Variants in UQCRH observed in about 807,000 individuals in gnomAD.
The protein encoded by UQCRH is ubiquinol-cytochrome c reductase hinge protein.
A neutral mutation model predicts 16.3 loss-of-function variants in UQCRH; 14 were observed. The observed-to-expected ratio is 0.86, with a 90% CI of 0.57 to 1.34. The LOEUF (loss-of-function observed/expected upper bound fraction) is 1.34, where lower values mean the gene tolerates loss of function less well. Among genes scored for constraint, UQCRH ranks in the 40% most tolerant of loss-of-function variants. The probability of loss-of-function intolerance (pLI) is 0.00; values close to 1 mark genes in which losing one functional copy is unlikely to be tolerated. For missense variants in UQCRH, 89 were observed against 111.9 expected, an observed-to-expected ratio of 0.80 and a Z score of 0.92; for synonymous variants, 41 against 41.9, an observed-to-expected ratio of 0.98 and a Z score of 0.08.
intron 3 of UQCRH, among the ~76,000 whole-genome samples, chr1:46,313,333 A>T (rs980225712): frequency 2.6e-5 from 4 of 151,814 alleles, no homozygotes; most frequent in African/African-American, 9.7e-5. Context: ...CTTTACAAAA[A>T]ATATATATAT....
At chr1:46,308,556 G>C (rs1160535009) in intron 1 of UQCRH, among the ~76,000 whole-genome samples, 4 of 152,190 alleles carry the variant, frequency 2.6e-5, no homozygotes, top group Non-Finnish European at 5.9e-5. Flanking sequence ...AGGAGGCAGG[G>C]CCAGGCTGAG....
At chr1:46,308,246 C>T (rs1431633897) in intron 1 of UQCRH, among the ~76,000 whole-genome samples, 2 of 152,132 alleles carry the variant, frequency 1.3e-5, no homozygotes, top group African/African-American at 4.8e-5. Flanking sequence ...TTTATTATTA[C>T]TTAAATTTCC....
At chr1:46,311,569 T>A (rs1310213858) in intron 3 of UQCRH, among the ~76,000 whole-genome samples, 1 of 151,220 alleles carries the variant, frequency 6.6e-6, no homozygotes, top group Non-Finnish European at 1.5e-5. Flanking sequence ...CTCAAATGTG[T>A]CTAATATATA....
chr1:46,303,878 C>T, intron 1 of UQCRH, 58 bp downstream of exon 1: 1 of 1,610,836 alleles, frequency 6.2e-7, no homozygotes, highest in Non-Finnish European at 8.5e-7. Flanking sequence ...GGACCTAGCC[C>T]GCCAAAACAC....
chr1:46,307,080 C>T (rs1661391919), intron 1 of UQCRH, among the ~76,000 whole-genome samples: 1 of 152,104 alleles, frequency 6.6e-6, no homozygotes, highest in Admixed American at 6.6e-5. Flanking sequence ...CGGAGTCTCT[C>T]TGTCGCCCAG....
chr1:46,305,365 C>T (rs1293344682), intron 1 of UQCRH, among the ~76,000 whole-genome samples: 1 of 149,528 alleles, frequency 6.7e-6, no homozygotes, highest in East Asian at 2.0e-4. Context: ...TCAGCAAGAT[C>T]CACCGCTGCA....
intron 2 of UQCRH, chr1:46,309,854 A>G: frequency 1.5e-6 from 2 of 1,330,272 alleles, no homozygotes; most frequent in Non-Finnish European, 1.9e-6. Flanking sequence ...CTATAGATCT[A>G]CTTCAAGTTT....
At chr1:46,310,428 T>G in intron 3 of UQCRH, 112 bp downstream of exon 3, 2 of 1,471,570 alleles carry the variant, frequency 1.4e-6, no homozygotes, top group Non-Finnish European at 1.9e-6. Context: ...GGGCCCAATA[T>G]ATGTGACATA....
At chr1:46,308,203 C>A (rs927225973) in intron 1 of UQCRH, among the ~76,000 whole-genome samples, 4 of 152,156 alleles carry the variant, frequency 2.6e-5, no homozygotes, top group Non-Finnish European at 5.9e-5. Context: ...GGTAAGGTGA[C>A]AGACCTGGAG....
chr1:46,309,564 A>G, intron 2 of UQCRH: 1 of 179,116 alleles, frequency 5.6e-6, no homozygotes, highest in Non-Finnish European at 1.2e-5. Context: ...CAGCTACTCG[A>G]GAGGCTGAGG....
intron 1 of UQCRH, among the ~76,000 whole-genome samples, chr1:46,307,535 T>A (rs1000833304): frequency 6.6e-6 from 1 of 152,210 alleles, no homozygotes; most frequent in African/African-American, 2.4e-5. Context: ...GCAAACACCT[T>A]ATTTCTGAGG....
At chr1:46,313,245 A>G (rs1214214882) in intron 3 of UQCRH, among the ~76,000 whole-genome samples, 1 of 152,144 alleles carries the variant, frequency 6.6e-6, no homozygotes, top group Non-Finnish European at 1.5e-5. Context: ...TAATCGCAGA[A>G]CTTTGCGAGG....
chr1:46,307,406 C>T (rs1273031653), intron 1 of UQCRH, among the ~76,000 whole-genome samples: 1 of 152,054 alleles, frequency 6.6e-6, no homozygotes, highest in Admixed American at 6.6e-5. Flanking sequence ...TCAAGCAGTC[C>T]TCTCACCTGG....
chr1:46,313,685 A>ATAGG (rs1661526085), intron 3 of UQCRH, among the ~76,000 whole-genome samples: 2 of 151,716 alleles, frequency 1.3e-5, no homozygotes, highest in Admixed American at 6.6e-5. Context: ...AGATAGATAG[A>ATAGG]TATAGATAAC....
rs549057387 is a variant in UQCRH, at chr1:46,304,914, G to A, written c.54+1094G>A. On this transcript the variant is annotated intron_variant, in intron 1 of 3. Coordinates refer to ENST00000311672, the MANE Select transcript of UQCRH (RefSeq NM_006004.4). Reference sequence around the variant, plus strand: ...TTGTTTCTAATCTCATTTCCTGTCCGTCTGTTCTCTGGTCACTTGGGGGCA... The same window carrying A: ...TTGTTTCTAATCTCATTTCCTGTCCATCTGTTCTCTGGTCACTTGGGGGCA... Among the ~76,000 whole-genome samples, 3 of 152,260 alleles carry A rather than the reference G, an allele frequency of 2.0e-5. No individual in the cohort carries two copies. In the South Asian group the frequency reaches 6.2e-4, roughly 32 times the overall value.
chr1:46,311,332 C>T (rs1439825147), intron 3 of UQCRH, among the ~76,000 whole-genome samples: 1 of 137,236 alleles, frequency 7.3e-6, no homozygotes, highest in African/African-American at 3.2e-5. Flanking sequence ...GAGGCGGAGG[C>T]GGAGGCGGAG....
intron 3 of UQCRH, among the ~76,000 whole-genome samples, chr1:46,311,297 C>T (rs1661468551): frequency 6.8e-6 from 1 of 147,216 alleles, no homozygotes; most frequent in South Asian, 2.2e-4. Context: ...CGCGGTGGCT[C>T]ACGCCTGTAA....
Position 46,303,904 on chromosome 1 carries a change from A to T in UQCRH, c.54+84A>T. On this transcript the variant is annotated intron_variant, in intron 1 of 3. Coordinates refer to ENST00000311672, the MANE Select transcript of UQCRH (RefSeq NM_006004.4). ...GCCAAAACACGCACGGGGCCCTCTT[A>T]GCCCCCAGTTTACCCTCTAGGGTTT... The T allele has an allele frequency of 6.3e-6, 10 of 1,580,852 alleles. No homozygotes were observed. The South Asian group carries it at 1.0e-4, about 16-fold the overall frequency.
intron 3 of UQCRH, among the ~76,000 whole-genome samples, chr1:46,310,602 AAG>A (rs1395392977): frequency 6.6e-6 from 1 of 152,196 alleles, no homozygotes; most frequent in African/African-American, 2.4e-5. Context: ...CTGGGACTAC[AAG>A]TGCATGCCAC....
Sources: allele counts gnomAD v4.1 joint callset (sites outside exome capture counted in the v4.1 genomes callset), GRCh38; gene constraint gnomAD v4.1.1; transcripts MANE v1.5; gene names NCBI Gene and HGNC (gene_info 2026-07-23, HGNC 2026-07-21).